Variants in SH2D6 observed in about 807,000 individuals in gnomAD.
SH2D6 encodes SH2 domain-containing protein 6.
SH2D6 carries 31 observed loss-of-function variants against 30.2 expected under a neutral mutation model. The ratio of observed to expected loss-of-function variants is 1.03; its 90% CI spans 0.77 to 1.38. The LOEUF is 1.38. Among genes scored for constraint, SH2D6 ranks in the 40% most tolerant of loss-of-function variants. The pLI, the probability that SH2D6 is intolerant of heterozygous loss-of-function variation, is 0.00. For synonymous variants in SH2D6, 93 were observed against 104.6 expected, an observed-to-expected ratio of 0.89 and a Z score of 0.68; for missense variants, 240 against 266.8, an observed-to-expected ratio of 0.90 and a Z score of 0.70.
At chr2:85,426,877 T>C (rs1688093227) in intron 6 of SH2D6, among the ~76,000 whole-genome samples, 1 of 152,236 alleles carries the variant, frequency 6.6e-6, no homozygotes. Context: ...GGCAGGCGTC[T>C]TGGGGACTGA....
At position 85,420,436 on chromosome 2, in the gene SH2D6, T is replaced by C. The variant is rs373769578; in HGVS notation, c.-577+1192T>C. On this transcript the variant is annotated intron_variant, in intron 2 of 23. Coordinates refer to ENST00000469800, the MANE Select transcript of SH2D6 (RefSeq NM_001394463.1). The stretch of plus-strand genomic sequence containing the variant: ...TGCCCGGACTGAGCCCATTCTCTTA[T>C]TATTAGAAATCTTATTATCAGAATG... Among the ~76,000 whole-genome samples, 7 of 152,320 alleles carry C rather than the reference T, an allele frequency of 4.6e-5. No individual in the cohort carries two copies. The East Asian group carries it at 7.7e-4, about 17-fold the overall frequency.
At chr2:85,426,965 C>T (rs984739428) in intron 6 of SH2D6, among the ~76,000 whole-genome samples, 19 of 152,306 alleles carry the variant, frequency 1.2e-4, no homozygotes, top group Middle Eastern at 3.4e-3. Flanking sequence ...CCGCTGTGTC[C>T]GCTGCAGAAC....
At chr2:85,421,357 G>C (rs1403752184) in intron 2 of SH2D6, 3 of 152,256 alleles carry the variant, frequency 2.0e-5, no homozygotes, top group African/African-American at 7.2e-5. Flanking sequence ...TAAACAGCCG[G>C]GACCTCGGGG....
Position 85,435,683 on chromosome 2 carries a change from G to C in SH2D6, c.750G>C (p.Val250=). The change falls in exon 22 of 24, where the codon GTG becomes GTC. Residue 250 remains valine (V), a synonymous_variant. Coordinates refer to ENST00000469800, the MANE Select transcript of SH2D6 (RefSeq NM_001394463.1). ...CTCCACAGGATGGGGCCTATACCGT[G>C]CGCCCCAGCTCAGGGCCTCATGGCT... The part of the protein sequence containing the change: ...LHLQKDGAYT[V]RPSSGPHGSQ... 1.2e-6 allele frequency: 2 copies of C among 1,610,300 alleles called. No individual in the cohort carries two copies. The highest frequency in any genetic ancestry group is 1.7e-6 in the Non-Finnish European group (2 of 1,178,190).
intron 17 of SH2D6, 93 bp downstream of exon 17, chr2:85,434,204 G>T: frequency 6.6e-7 from 1 of 1,524,250 alleles, no homozygotes; most frequent in South Asian, 1.2e-5. Context: ...CCCTGACCCT[G>T]GGATGGAATC....
rs1689092391 is a variant in SH2D6, at chr2:85,434,056, A to T, written c.478A>T (p.Ser160Cys). The change falls in exon 17 of 24, where the codon AGC (serine) becomes TGC (cysteine). Residue 160 changes from serine (S) to cysteine (C), a missense_variant. Coordinates refer to ENST00000469800, the MANE Select transcript of SH2D6 (RefSeq NM_001394463.1). ...AGTCCTGGCTTTGACTCAGACTCTC[A>T]GCTTCCAAGTCCTGATGCCCTCAGG... ...DPVLALTQTL[S>C]FQVLMPSGPL... 6.5e-7 allele frequency: 1 copy of T among 1,550,384 alleles called. No individual in the cohort carries two copies. Among genetic ancestry groups the T allele is most frequent in the African/African-American group, 1.4e-5 (1 of 73,014 alleles).
At chr2:85,433,730 T>C (rs1689046571) in intron 16 of SH2D6, 99 bp downstream of exon 16, 3 of 916,594 alleles carry the variant, frequency 3.3e-6, no homozygotes, top group Admixed American at 3.9e-5. Flanking sequence ...CCTTGCTGCC[T>C]CTCACCACCC....
chr2:85,428,275 C>T (rs973347718), intron 6 of SH2D6, among the ~76,000 whole-genome samples: 1 of 152,180 alleles, frequency 6.6e-6, no homozygotes, highest in South Asian at 2.1e-4. Context: ...TGGTGAGGTA[C>T]AGGTTGCTTA....
intron 16 of SH2D6, 35 bp downstream of exon 16, chr2:85,433,666 C>A (rs1476968099): frequency 5.1e-5 from 53 of 1,049,430 alleles, no homozygotes; most frequent in Non-Finnish European, 5.5e-5. Context: ...CCCCTCCTGC[C>A]CGAGGCCCTC....
chr2:85,434,268 C>T, intron 17 of SH2D6, 72 bp from the exon 18 acceptor site: 1 of 1,514,956 alleles, frequency 6.6e-7, no homozygotes, highest in Non-Finnish European at 8.9e-7. Context: ...GCTTGGAATG[C>T]TGGGTTCACT....
rs1223627609 is a variant in SH2D6 at position 85,436,507 on chromosome 2, G to A, written c.933G>A (p.Trp311Ter). 6.2e-7 allele frequency: 1 copy of A among 1,613,528 alleles called. No homozygotes were observed. The highest frequency in any genetic ancestry group is 1.3e-5 in the African/African-American group (1 of 74,920). ...SVAAMVQHFM[W>*]HPLPLVDRHS... ...CGGCCATGGTCCAGCACTTCATGTG[G>A]CACCCTCTGCCCCTTGTGGACAGAC... The change falls in exon 23 of 24, where the codon TGG becomes TGA. Residue 311 changes from tryptophan (W) to a stop codon, truncating the protein, a stop_gained. Transcript: ENST00000469800. LOFTEE classifies it high-confidence loss of function.
At position 85,434,128 on chromosome 2, in the gene SH2D6, G is replaced by A; in HGVS notation, c.533+17G>A. 7 of 1,549,062 alleles carry A rather than the reference G, an allele frequency of 4.5e-6. No homozygotes were observed. The highest frequency in any genetic ancestry group is 6.1e-6 in the Non-Finnish European group (7 of 1,145,676). ...GGTGCCCAGGTAAGTGCCCCACCAG[G>A]TGTGCACCTGTGTGTATGTATGTGA... is the stretch of plus-strand genomic sequence containing the variant. On this transcript the variant is annotated intron_variant, in intron 17 of 23. Coordinates refer to ENST00000469800, the MANE Select transcript of SH2D6 (RefSeq NM_001394463.1).
intron 16 of SH2D6, 111 bp from the exon 17 acceptor site, chr2:85,433,922 C>T (rs573417123): frequency 3.2e-4 from 312 of 988,018 alleles, no homozygotes; most frequent in Admixed American, 8.9e-4. Flanking sequence ...CCCAGAAAGT[C>T]CAGGCTGCAG....
intron 17 of SH2D6, 62 bp downstream of exon 17, chr2:85,434,173 C>T (rs957721450): frequency 1.3e-6 from 2 of 1,535,632 alleles, no homozygotes; most frequent in East Asian, 4.9e-5. Context: ...AGAGACAGCA[C>T]CCCAGTTCAG....
intron 2 of SH2D6, among the ~76,000 whole-genome samples, chr2:85,420,111 T>C (rs1422261039): frequency 1.3e-5 from 2 of 152,092 alleles, no homozygotes; most frequent in African/African-American, 4.8e-5. Context: ...TTTGTTTGTT[T>C]GTTTGTTTCC....
intron 6 of SH2D6, among the ~76,000 whole-genome samples, chr2:85,426,172 C>A (rs1688034657): frequency 6.6e-6 from 1 of 152,150 alleles, no homozygotes; most frequent in Admixed American, 6.5e-5. Flanking sequence ...GTCCTCAGAG[C>A]CACCTCCATC....
chr2:85,427,212 A>G (rs1028300211), intron 6 of SH2D6, among the ~76,000 whole-genome samples: 2 of 152,280 alleles, frequency 1.3e-5, no homozygotes, highest in Non-Finnish European at 2.9e-5. Context: ...TGGAAGGACC[A>G]TAAAACAGGC....
intron 5 of SH2D6, among the ~76,000 whole-genome samples, chr2:85,423,522 T>C (rs1687829460): frequency 6.6e-6 from 1 of 152,198 alleles, no homozygotes; most frequent in Admixed American, 6.5e-5. Flanking sequence ...TGTGAGCCAC[T>C]GCACCTGGCC....
At chr2:85,428,919 G>A (rs972974158) in intron 7 of SH2D6, among the ~76,000 whole-genome samples, 1 of 152,202 alleles carries the variant, frequency 6.6e-6, no homozygotes, top group African/African-American at 2.4e-5. Flanking sequence ...GCCTCTGGCA[G>A]ACAGTGGATG....
Sources: allele counts gnomAD v4.1 joint callset (sites outside exome capture counted in the v4.1 genomes callset), GRCh38; gene constraint gnomAD v4.1.1; transcripts MANE v1.5; gene names NCBI Gene and HGNC (gene_info 2026-07-23, HGNC 2026-07-21).